The following NUP54 variants were observed in gnomAD, a reference collection of about 807,000 sequenced individuals.
NUP54 encodes nucleoporin 54, also known as nucleoporin p54.
In NUP54, 27 loss-of-function variants were observed where a neutral mutation model predicts 66.4. The observed-to-expected ratio is 0.41, with a 90% CI of 0.30 to 0.56. NUP54 has a LOEUF of 0.56. NUP54 is among the 20% of genes least tolerant of loss of function. The pLI is 0.34. For synonymous variants in NUP54, 206 were observed against 210.7 expected, an observed-to-expected ratio of 0.98 and a Z score of 0.19; for missense variants, 486 against 596.3, an observed-to-expected ratio of 0.82 and a Z score of 1.93.
In NUP54 at chr4:76,117,541, G is replaced by A. The variant is rs138615787; in HGVS notation, c.1395+123C>T. 1,657 of 637,972 alleles carry A rather than the reference G, an allele frequency of 2.6e-3. 14 individuals are homozygous for A. In the African/African-American group the frequency reaches 0.028, roughly 11 times the overall value. 39.5% of individuals were successfully genotyped at this position (637,972 alleles called of 1,614,324 possible). The stretch of plus-strand genomic sequence containing the variant: ...AACCATTTTACATTCCCCCAACAGT[G>A]CAAGAAAGTTCCAATTTCTCCACAT... On this transcript the variant is annotated intron_variant, in intron 11 of 11. Coordinates refer to ENST00000264883, the MANE Select transcript of NUP54 (RefSeq NM_017426.4).
chr4:76,130,125 C>T (rs979647312), intron 8 of NUP54, among the ~76,000 whole-genome samples: 9 of 151,212 alleles, frequency 6.0e-5, no homozygotes, highest in East Asian at 5.8e-4. Flanking sequence ...GCATTACAGG[C>T]GTGCACCACG....
At chr4:76,135,752 T>C (rs1222916837) in intron 4 of NUP54, among the ~76,000 whole-genome samples, 1 of 152,222 alleles carries the variant, frequency 6.6e-6, no homozygotes, top group African/African-American at 2.4e-5. Context: ...GGTTGTTTGG[T>C]AGGCAGGGAA....
At chr4:76,148,072 G>GCCCT (rs1731589022) in intron 1 of NUP54, 2 of 422,446 alleles carry the variant, frequency 4.7e-6, no homozygotes, top group Non-Finnish European at 8.4e-6. Flanking sequence ...CTCAAGCCAG[G>GCCCT]GCCCTGTGGA....
In NUP54 at chr4:76,117,654, C is replaced by T. The variant is rs7657846; in HGVS notation, c.1395+10G>A. ...ACACTTTAAATAATGCAGCCTCATG[C>T]AACACTTACCTGCTTGATTTCTCGT... On this transcript the variant is annotated intron_variant, in intron 11 of 11. Transcript: ENST00000264883. The T allele has an allele frequency of 0.15, 229,261 of 1,551,348 alleles. 18,514 individuals are homozygous for T. Among genetic ancestry groups the T allele is most frequent in the East Asian group, 0.35 (15,394 of 44,528 alleles).
At chr4:76,123,510 T>C (rs1381382839) in intron 9 of NUP54, among the ~76,000 whole-genome samples, 1 of 151,370 alleles carries the variant, frequency 6.6e-6, no homozygotes, top group Non-Finnish European at 1.5e-5. Context: ...AGCATCTTCT[T>C]TTTTTTTTCT....
At chr4:76,116,917 A>G (rs1290139382) in intron 11 of NUP54, among the ~76,000 whole-genome samples, 9 of 152,196 alleles carry the variant, frequency 5.9e-5, no homozygotes, top group African/African-American at 1.2e-4. Context: ...TTTTTTAAAC[A>G]GTGGCAAAAC....
chr4:76,117,620 G>T, intron 11 of NUP54, 44 bp downstream of exon 11: 1 of 1,164,882 alleles, frequency 8.6e-7, no homozygotes. Context: ...GGTGTGAAGT[G>T]GTGAGCTCAC....
chr4:76,145,183 C>T (rs11941820), intron 1 of NUP54, among the ~76,000 whole-genome samples: 72,075 of 150,460 alleles, frequency 0.48, 18,291 homozygotes, highest in East Asian at 0.89. Flanking sequence ...CCGGGCGTGG[C>T]GGCGGGCGCC....
chr4:76,139,291 T>C (rs1270331244), intron 3 of NUP54, among the ~76,000 whole-genome samples: 2 of 152,186 alleles, frequency 1.3e-5, no homozygotes, highest in Non-Finnish European at 2.9e-5. Context: ...TGATCAATCT[T>C]AGCATCACCA....
At chr4:76,141,951 C>G (rs1300968249) in intron 3 of NUP54, among the ~76,000 whole-genome samples, 1 of 152,104 alleles carries the variant, frequency 6.6e-6, no homozygotes, top group Non-Finnish European at 1.5e-5. Context: ...ATAAACCATG[C>G]CATGTTATTT....
Position 76,144,307 on chromosome 4 carries a change from T to C in NUP54, c.152-15A>G, listed in dbSNP as rs769438951. 6.9e-6 allele frequency: 11 copies of C among 1,585,314 alleles called. No homozygotes were observed. The highest frequency in any genetic ancestry group is 2.3e-5 in the South Asian group (2 of 85,842). The stretch of plus-strand genomic sequence containing the variant: ...ACCAAAGAGTCCTTTGAATGAAAAA[T>C]TGGAACTTCGTAAGTTAAAAAAAAA... On this transcript the variant is annotated splice_polypyrimidine_tract_variant and intron_variant, in intron 2 of 11. Transcript: ENST00000264883.
chr4:76,140,469 G>A (rs1731222595), intron 3 of NUP54, among the ~76,000 whole-genome samples: 1 of 151,756 alleles, frequency 6.6e-6, no homozygotes, highest in Non-Finnish European at 1.5e-5. Flanking sequence ...TATTTTTAGT[G>A]GAGATGGGTT....
intron 4 of NUP54, 54 bp downstream of exon 4, chr4:76,136,132 T>C (rs1731028170): frequency 1.7e-6 from 2 of 1,185,536 alleles, no homozygotes; most frequent in African/African-American, 3.1e-5. Context: ...AATCTAAATA[T>C]ATTTTCTGTT....
At chr4:76,135,130 G>T (rs1243825416) in intron 4 of NUP54, among the ~76,000 whole-genome samples, 1 of 152,070 alleles carries the variant, frequency 6.6e-6, no homozygotes, top group Admixed American at 6.6e-5. Context: ...TTAAATCACA[G>T]TAATGACAGT....
At chr4:76,137,909 T>C (rs1353718753) in intron 3 of NUP54, among the ~76,000 whole-genome samples, 1 of 152,244 alleles carries the variant, frequency 6.6e-6, no homozygotes, top group Non-Finnish European at 1.5e-5. Flanking sequence ...AAAATAACTG[T>C]ATTTCGTGTT....
At chr4:76,147,690 AAAAAG>A in intron 1 of NUP54, 2 of 1,233,958 alleles carry the variant, frequency 1.6e-6, no homozygotes, top group African/African-American at 1.6e-5. Context: ...GGGGAGAGGG[AAAAAG>A]AAAAGAAAGC....
intron 11 of NUP54, among the ~76,000 whole-genome samples, chr4:76,116,131 A>T (rs1242697416): frequency 3.9e-5 from 6 of 152,214 alleles, no homozygotes; most frequent in Non-Finnish European, 7.4e-5. Flanking sequence ...TCATAATTTT[A>T]AAAAAGACAG....
chr4:76,115,621 T>C (rs567775684), intron 11 of NUP54, 127 bp from the exon 12 acceptor site: 1 of 563,490 alleles, frequency 1.8e-6, no homozygotes, highest in African/African-American at 1.9e-5. Flanking sequence ...GCTCTAAATA[T>C]AGAGGGCATG....
chr4:76,128,781 G>A (rs1312112597), intron 8 of NUP54, among the ~76,000 whole-genome samples: 4 of 152,184 alleles, frequency 2.6e-5, no homozygotes, highest in Admixed American at 6.5e-5. Context: ...ACCATTTGCA[G>A]CAACATAGAT....
Sources: allele counts gnomAD v4.1 joint callset (sites outside exome capture counted in the v4.1 genomes callset), GRCh38; gene constraint gnomAD v4.1.1; transcripts MANE v1.5; gene names NCBI Gene and HGNC (gene_info 2026-07-23, HGNC 2026-07-21).